Variants in STK10 observed in about 807,000 individuals in gnomAD.
STK10 encodes the protein serine/threonine kinase 10.
STK10 carries 78 observed loss-of-function variants against 113.8 expected under a neutral mutation model. The ratio of observed to expected loss-of-function variants is 0.69; its 90% CI spans 0.57 to 0.83. STK10 has a LOEUF of 0.83. Among genes scored for constraint, STK10 ranks in the 40% least tolerant of loss-of-function variants. The pLI is 0.00. For synonymous variants in STK10, 465 were observed against 494.7 expected (o/e 0.94, Z 0.80); for missense variants, 1,109 against 1,280.1 (o/e 0.87, Z 2.04).
At chr5:172,150,337 C>T (rs976564738) in intron 2 of STK10, among the ~76,000 whole-genome samples, 5 of 150,358 alleles carry the variant, frequency 3.3e-5, no homozygotes, top group Admixed American at 6.6e-5. Flanking sequence ...AAAAATTAGC[C>T]GGGTGTGGTG....
At chr5:172,138,028 C>G (rs1769903306) in intron 2 of STK10, among the ~76,000 whole-genome samples, 1 of 152,148 alleles carries the variant, frequency 6.6e-6, no homozygotes, top group Non-Finnish European at 1.5e-5. Flanking sequence ...GCTCACCACT[C>G]CTATACAACA....
At chr5:172,153,753 A>C (rs1215511390) in intron 2 of STK10, among the ~76,000 whole-genome samples, 1 of 152,246 alleles carries the variant, frequency 6.6e-6, no homozygotes, top group African/African-American at 2.4e-5. Context: ...ACAGAAGGAA[A>C]TATCAAAGGG....
intron 14 of STK10, 61 bp from the exon 15 acceptor site, chr5:172,057,534 C>T: frequency 1.3e-6 from 2 of 1,521,256 alleles, no homozygotes; most frequent in South Asian, 1.2e-5. Flanking sequence ...GACAGGCCCC[C>T]TGCCCCCCAC....
intron 1 of STK10, among the ~76,000 whole-genome samples, chr5:172,169,416 T>C (rs115822366): frequency 0.011 from 1,577 of 150,100 alleles, 35 homozygotes; most frequent in African/African-American, 0.036. Context: ...GGATGGGAGG[T>C]AGGGGCTGGA....
chr5:172,118,765 G>A (rs192544234), intron 3 of STK10, among the ~76,000 whole-genome samples: 139 of 151,930 alleles, frequency 9.1e-4, no homozygotes, highest in African/African-American at 3.1e-3. Flanking sequence ...TGTGATCACA[G>A]CTACTCAGGA....
At chr5:172,134,161 G>A (rs1041429622) in intron 2 of STK10, among the ~76,000 whole-genome samples, 7 of 152,222 alleles carry the variant, frequency 4.6e-5, no homozygotes, top group Admixed American at 3.3e-4. Context: ...AAAAGGCACT[G>A]TAAGATGTTG....
At chr5:172,167,172 GA>G (rs1334826225) in intron 1 of STK10, among the ~76,000 whole-genome samples, 2 of 146,604 alleles carry the variant, frequency 1.4e-5, no homozygotes, top group Non-Finnish European at 3.0e-5. Context: ...AAAAAAAAAA[GA>G]AAAAAAAGAA....
intron 12 of STK10, among the ~76,000 whole-genome samples, chr5:172,070,549 C>A (rs1448048013): frequency 1.3e-5 from 2 of 152,000 alleles, no homozygotes; most frequent in African/African-American, 2.4e-5. Context: ...AAAGAATAGT[C>A]TCAAATCAAT....
intron 2 of STK10, among the ~76,000 whole-genome samples, chr5:172,149,928 T>C (rs1195591520): frequency 6.7e-6 from 1 of 149,598 alleles, no homozygotes; most frequent in Non-Finnish European, 1.5e-5. Flanking sequence ...ACACCTGTAA[T>C]CCCAGCTACT....
In STK10 at chr5:172,116,764, A is replaced by G. The variant is rs185121343; in HGVS notation, c.520+717T>C. ...GTGCCTATAGTCCCAGCAACTCAGGAGGCTGAGGCAGGAGAATCACTTGAA... is the reference window on the plus strand; with the variant it reads ...GTGCCTATAGTCCCAGCAACTCAGGGGGCTGAGGCAGGAGAATCACTTGAA... On this transcript the variant is annotated intron_variant, in intron 4 of 18. Transcript: ENST00000176763. 6.7e-4 allele frequency among the ~76,000 whole-genome samples: 102 copies of G among 152,188 alleles called. 1 individual carries two copies. Among genetic ancestry groups the G allele is most frequent in the South Asian group, 5.2e-3 (25 of 4,818 alleles).
At chr5:172,166,593 C>T (rs761527375) in intron 1 of STK10, among the ~76,000 whole-genome samples, 1 of 152,122 alleles carries the variant, frequency 6.6e-6, no homozygotes, top group Admixed American at 6.6e-5. Context: ...AGGACAGAGG[C>T]CAACAGCAAC....
chr5:172,182,770 T>G (rs1770883167), intron 1 of STK10, among the ~76,000 whole-genome samples: 1 of 151,898 alleles, frequency 6.6e-6, no homozygotes, highest in South Asian at 2.1e-4. Context: ...CCCAGGCTGG[T>G]CTTGAACTCC....
At position 172,043,280 on chromosome 5, in the gene STK10, A is replaced by T. The variant is rs1191889008; in HGVS notation, c.*1602T>A. On this transcript the variant is annotated 3_prime_UTR_variant, in exon 19 of 19. Transcript: ENST00000176763. ...TGGCTAATTTTTGTACTTTTAGTAG[A>T]GACAGGGTTTTGCCATGTTGGCCAG... 2 of 152,170 alleles carry T rather than the reference A, an allele frequency of 1.3e-5. No homozygotes were observed. Among genetic ancestry groups the T allele is most frequent in the Non-Finnish European group, 2.9e-5 (2 of 68,084 alleles). 9.4% of individuals were successfully genotyped at this position (152,170 alleles called of 1,614,324 possible).
intron 3 of STK10, among the ~76,000 whole-genome samples, chr5:172,122,785 G>A (rs552478348): frequency 5.3e-5 from 8 of 152,200 alleles, no homozygotes; most frequent in South Asian, 2.1e-4. Context: ...CACCATGCTC[G>A]GCTAATTTTT....
At chr5:172,084,859 T>C (rs1382839972) in intron 10 of STK10, among the ~76,000 whole-genome samples, 4 of 152,194 alleles carry the variant, frequency 2.6e-5, no homozygotes, top group Non-Finnish European at 5.9e-5. Flanking sequence ...ATGTCAGTGC[T>C]CAAAAAGTTG....
At chr5:172,150,669 C>T (rs1223907262) in intron 2 of STK10, among the ~76,000 whole-genome samples, 2 of 152,142 alleles carry the variant, frequency 1.3e-5, no homozygotes, top group African/African-American at 4.8e-5. Context: ...CAAGGGCTGG[C>T]CTCTGAGCCC....
At chr5:172,086,158 C>T (rs1768553600) in intron 10 of STK10, among the ~76,000 whole-genome samples, 2 of 152,152 alleles carry the variant, frequency 1.3e-5, no homozygotes, top group African/African-American at 4.8e-5. Context: ...AATGAGATGA[C>T]ACAGGTAAAG....
chr5:172,185,349 C>T (rs1397365218), intron 1 of STK10, among the ~76,000 whole-genome samples: 8 of 151,974 alleles, frequency 5.3e-5, no homozygotes, highest in Admixed American at 5.2e-4. Context: ...GCTCACTGCA[C>T]CCTCCACCTC....
chr5:172,074,257 C>T (rs1768262010), intron 12 of STK10, among the ~76,000 whole-genome samples: 1 of 152,082 alleles, frequency 6.6e-6, no homozygotes, highest in East Asian at 1.9e-4. Context: ...AAAACAAGGA[C>T]AAAGTTGGAA....
Sources: gnomAD v4.1 joint callset for allele counts (sites outside exome capture counted in the v4.1 genomes callset) on GRCh38, gnomAD v4.1.1 for gene constraint, MANE v1.5 for transcripts, NCBI Gene and HGNC (gene_info 2026-07-23, HGNC 2026-07-21) for gene names.